BICD1: variants seen among roughly 807,000 people sequenced by gnomAD.
BICD1 encodes protein bicaudal D homolog 1.
BICD1 carries 35 observed loss-of-function variants against 92.5 expected under a neutral mutation model. The ratio of observed to expected loss-of-function variants is 0.38; its 90% CI spans 0.29 to 0.50. The LOEUF (loss-of-function observed/expected upper bound fraction) is 0.50, where lower values mean the gene tolerates loss of function less well. Among genes scored for constraint, BICD1 ranks in the 20% least tolerant of loss-of-function variants. BICD1 has a pLI of 0.93. For missense variants in BICD1, 950 were observed against 1,189.8 expected, an observed-to-expected ratio of 0.80 and a Z score of 2.97; for synonymous variants, 429 against 465.1, an observed-to-expected ratio of 0.92 and a Z score of 1.00.
chr12:32,379,375 A>G lies in BICD1; in HGVS notation c.*1748A>G, dbSNP rs984569900. ...GTTTTGTGTTCTTTATATGAGTGCT[A>G]TTTTCCACAGTGTCATTTATTATGC... On this transcript the variant is annotated 3_prime_UTR_variant, in exon 10 of 10. Coordinates refer to ENST00000652176, the MANE Select transcript of BICD1 (RefSeq NM_001714.4). The G allele has an allele frequency of 2.0e-5, 3 of 152,174 alleles. No individual in the cohort carries two copies. Among genetic ancestry groups the G allele is most frequent in the Non-Finnish European group, 2.9e-5 (2 of 68,042 alleles). The allele number at this position is 152,174 out of a possible 1,614,324, so 9.4% of individuals were successfully genotyped here. A position where few individuals can be genotyped will look rare whatever the true frequency, so the allele number is the denominator to read the frequency against.
intron 2 of BICD1, among the ~76,000 whole-genome samples, chr12:32,284,524 C>G (rs545913245): frequency 6.6e-6 from 1 of 152,090 alleles, no homozygotes; most frequent in Non-Finnish European, 1.5e-5. Context: ...CGATCTGTCC[C>G]CTCCGTATTC....
At chr12:32,300,093 C>T (rs950722900) in intron 3 of BICD1, among the ~76,000 whole-genome samples, 12 of 151,888 alleles carry the variant, frequency 7.9e-5, no homozygotes, top group East Asian at 1.9e-4. Context: ...GGATTTGCTC[C>T]GGAGGACATA....
At chr12:32,223,320 C>A (rs1260786798) in intron 2 of BICD1, among the ~76,000 whole-genome samples, 1 of 152,128 alleles carries the variant, frequency 6.6e-6, no homozygotes, top group Non-Finnish European at 1.5e-5. Flanking sequence ...GAGTTCGAGA[C>A]CAGGCTGGCC....
At chr12:32,340,429 A>T (rs904869840) in intron 8 of BICD1, 1 of 985,334 alleles carries the variant, frequency 1.0e-6, no homozygotes. Flanking sequence ...ATTTATCAGG[A>T]TACCTAACTC....
chr12:32,111,855 A>G (rs1000138611), intron 1 of BICD1, among the ~76,000 whole-genome samples: 2 of 152,112 alleles, frequency 1.3e-5, no homozygotes, highest in Non-Finnish European at 2.9e-5. Context: ...AAATATTTAC[A>G]TTTATTATCA....
At chr12:32,213,168 C>T (rs1244315278) in intron 1 of BICD1, among the ~76,000 whole-genome samples, 1 of 152,172 alleles carries the variant, frequency 6.6e-6, no homozygotes, top group African/African-American at 2.4e-5. Flanking sequence ...TCTAGAATCC[C>T]ATACAACACT....
chr12:32,247,285 T>C (rs1227756236), intron 2 of BICD1, among the ~76,000 whole-genome samples: 1 of 148,178 alleles, frequency 6.7e-6, no homozygotes, highest in Admixed American at 6.7e-5. Context: ...TGAAGACAAG[T>C]AGGTAATTGG....
chr12:32,184,078 A>C (rs1392916156), intron 1 of BICD1, among the ~76,000 whole-genome samples: 1 of 152,168 alleles, frequency 6.6e-6, no homozygotes, highest in South Asian at 2.1e-4. Context: ...CAGCCATTAG[A>C]GTCCGGCGTG....
rs1948194153 is a variant in BICD1, at chr12:32,305,766, C to G, written c.649C>G (p.Leu217Val). 1 of 1,614,006 alleles carries G rather than the reference C, an allele frequency of 6.2e-7. No homozygotes were observed. The highest frequency in any genetic ancestry group is 8.5e-7 in the Non-Finnish European group (1 of 1,180,030). ...EEETVLLNSQ[L>V]EDAIRLKEIA... ...GGAGACGGTACTGCTGAACAGCCAG[C>G]TGGAAGATGCCATCCGATTGAAAGA... Residue 217 changes from leucine (L) to valine (V), a missense_variant, in exon 4 of 10, where the codon CTG becomes GTG. Transcript: ENST00000652176.
intron 1 of BICD1, among the ~76,000 whole-genome samples, chr12:32,170,669 T>C (rs1390577165): frequency 6.6e-6 from 1 of 152,166 alleles, no homozygotes; most frequent in Admixed American, 6.5e-5. Flanking sequence ...TGGCAAAGGG[T>C]CTTATCAGTT....
rs1466451818 is a variant in BICD1, at chr12:32,319,242, A to T, written c.1006-8219A>T. On this transcript the variant is annotated intron_variant, in intron 4 of 9. Transcript: ENST00000652176. Reference sequence around the variant, plus strand: ...TCTGGGTGTTTCATAGATGCCCTTTATCCGGGTGAGGGAGTTTTCTTCTAT... The same window carrying T: ...TCTGGGTGTTTCATAGATGCCCTTTTTCCGGGTGAGGGAGTTTTCTTCTAT... 9.2e-5 allele frequency among the ~76,000 whole-genome samples: 14 copies of T among 152,252 alleles called. No homozygotes were observed. The East Asian group carries it at 2.5e-3, about 27-fold the overall frequency.
intron 9 of BICD1, among the ~76,000 whole-genome samples, chr12:32,376,877 G>GA (rs1939992257): frequency 8.2e-5 from 1 of 12,208 alleles, no homozygotes; most frequent in Middle Eastern, 0.042. Flanking sequence ...AAAAAAAAAA[G>GA]GGGGGGGGGG....
At chr12:32,302,558 A>G (rs1161751638) in intron 3 of BICD1, among the ~76,000 whole-genome samples, 1 of 152,204 alleles carries the variant, frequency 6.6e-6, no homozygotes, top group African/African-American at 2.4e-5. Flanking sequence ...TTTCCATGCC[A>G]TCATGTTTGT....
intron 2 of BICD1, among the ~76,000 whole-genome samples, chr12:32,265,258 C>T (rs910214484): frequency 6.6e-6 from 1 of 152,108 alleles, no homozygotes; most frequent in African/African-American, 2.4e-5. Flanking sequence ...TCCTGTACTT[C>T]GTTCAGTTCT....
At position 32,306,585 on chromosome 12, in the gene BICD1, C is replaced by T. The variant is rs139118045; in HGVS notation, c.1005+463C>T. On this transcript the variant is annotated intron_variant, in intron 4 of 9. Transcript: ENST00000652176. ...ATATTGCTTCTTCAGCTAGAAACTT[C>T]GAAAGTGCAGTATTTTAGAAAGACA... Among the ~76,000 whole-genome samples the T allele has an allele frequency of 7.5e-3, 1,136 of 152,046 alleles. 10 individuals carry two copies. Among genetic ancestry groups the T allele is most frequent in the African/African-American group, 0.025 (1,021 of 41,476 alleles).
chr12:32,228,047 ATTC>A (rs1316985500), intron 2 of BICD1: 1 of 247,972 alleles, frequency 4.0e-6, no homozygotes, highest in African/African-American at 2.3e-5. Context: ...ACTCTGGCAC[ATTC>A]TTCTTGTCAT....
At chr12:32,120,865 A>C in intron 1 of BICD1, among the ~76,000 whole-genome samples, 1 of 92,334 alleles carries the variant, frequency 1.1e-5, no homozygotes, top group East Asian at 3.1e-4. Flanking sequence ...AAAATCAACC[A>C]TTAGAGAGAG....
intron 1 of BICD1, among the ~76,000 whole-genome samples, chr12:32,188,564 A>G (rs912873873): frequency 1.2e-4 from 18 of 152,224 alleles, no homozygotes; most frequent in African/African-American, 4.3e-4. Context: ...ACCTGCCAAC[A>G]TTTAAGAGCT....
chr12:32,179,514 C>G (rs1260625925), intron 1 of BICD1, among the ~76,000 whole-genome samples: 1 of 151,806 alleles, frequency 6.6e-6, no homozygotes, highest in East Asian at 1.9e-4. Flanking sequence ...TTTGTGCTAG[C>G]CGGTGCTTAA....
Sources: allele counts gnomAD v4.1 joint callset (sites outside exome capture counted in the v4.1 genomes callset), GRCh38; gene constraint gnomAD v4.1.1; transcripts MANE v1.5; gene names NCBI Gene and HGNC (gene_info 2026-07-23, HGNC 2026-07-21).